KCNIP4: variants seen among roughly 807,000 people sequenced by gnomAD.
KCNIP4 encodes the protein potassium voltage-gated channel interacting protein 4, also known as Kv channel-interacting protein 4.
Under a neutral mutation model 34.0 loss-of-function variants are expected in KCNIP4, and 12 were observed. The observed-to-expected ratio is 0.35, with a 90% CI of 0.23 to 0.57. The LOEUF (loss-of-function observed/expected upper bound fraction) is 0.57. Ranked by LOEUF, KCNIP4 falls within the 20% of genes least tolerant of loss-of-function variation. The pLI is 0.83. For missense variants in KCNIP4, 238 were observed against 311.7 expected (o/e 0.76, Z 1.78); for synonymous variants, 124 against 102.2 (o/e 1.21, Z -1.29).
chr4:20,988,386 A>T (rs1478685361), intron 1 of KCNIP4, among the ~76,000 whole-genome samples: 2 of 152,226 alleles, frequency 1.3e-5, no homozygotes, highest in East Asian at 3.9e-4. Flanking sequence ...AGTAGACTTT[A>T]CATTTCCTTG....
intron 3 of KCNIP4, among the ~76,000 whole-genome samples, chr4:20,772,148 G>T (rs935632094): frequency 4.6e-5 from 7 of 152,166 alleles, no homozygotes; most frequent in Non-Finnish European, 2.9e-5. Context: ...GTGGGACTGG[G>T]ATTTGAACTT....
intron 1 of KCNIP4, among the ~76,000 whole-genome samples, chr4:21,367,189 A>G (rs1389202783): frequency 6.6e-6 from 1 of 152,126 alleles, no homozygotes; most frequent in African/African-American, 2.4e-5. Context: ...ATAGCTTCCT[A>G]TTGTTTACAA....
At chr4:20,964,765 C>T (rs942352694) in intron 1 of KCNIP4, among the ~76,000 whole-genome samples, 4 of 152,038 alleles carry the variant, frequency 2.6e-5, no homozygotes, top group African/African-American at 9.7e-5. Flanking sequence ...ATTTTCTTAG[C>T]CTTTGAAGAA....
chr4:21,796,478 G>A (rs1720632977), intron 1 of KCNIP4, among the ~76,000 whole-genome samples: 1 of 152,060 alleles, frequency 6.6e-6, no homozygotes, highest in African/African-American at 2.4e-5. Context: ...GACTCTCTCT[G>A]GTCATATAGA....
chr4:21,099,186 C>T (rs1747720611), intron 1 of KCNIP4, among the ~76,000 whole-genome samples: 1 of 152,114 alleles, frequency 6.6e-6, no homozygotes, highest in South Asian at 2.1e-4. Context: ...AATTGCAGCA[C>T]TATTCACAAT....
Position 21,087,199 on chromosome 4 carries a change from C to T in KCNIP4, c.62-204490G>A, listed in dbSNP as rs1370742696. 3.2e-5 allele frequency among the ~76,000 whole-genome samples: 3 copies of T among 93,188 alleles called. No homozygotes were observed. In the Admixed American group the frequency reaches 3.3e-4, roughly 10 times the overall value. The allele number at this position is 93,188 out of a possible 152,430, so 61.1% of individuals were successfully genotyped here. ...GTGTGTGTGTGTGTGTGTTTTGAGACAGAGTCTTGCTCTGCCACCCAGGCT... is the reference window on the plus strand; with the variant it reads ...GTGTGTGTGTGTGTGTGTTTTGAGATAGAGTCTTGCTCTGCCACCCAGGCT... On this transcript the variant is annotated intron_variant, in intron 1 of 8. Coordinates refer to ENST00000382152, the MANE Select transcript of KCNIP4 (RefSeq NM_025221.6).
intron 1 of KCNIP4, among the ~76,000 whole-genome samples, chr4:21,630,976 A>G (rs1248770466): frequency 6.6e-6 from 1 of 152,146 alleles, no homozygotes; most frequent in African/African-American, 2.4e-5. Flanking sequence ...CGCCCCTTGC[A>G]CCTTCCGAAA....
At chr4:21,192,300 A>C (rs1314591423) in intron 1 of KCNIP4, among the ~76,000 whole-genome samples, 1 of 152,200 alleles carries the variant, frequency 6.6e-6, no homozygotes, top group African/African-American at 2.4e-5. Flanking sequence ...AAAACACTCC[A>C]TTTAAGGTAT....
chr4:20,905,509 CT>C lies in KCNIP4; in HGVS notation c.62-22801del, dbSNP rs10686415. On this transcript the variant is annotated intron_variant, in intron 1 of 8. Transcript: ENST00000382152. ...ACACAGGTAGTTGAACGTTTTCTTT[CT>C]TTTTTTTTTTTTTTTGTTTGAGATG... Among the ~76,000 whole-genome samples the C allele has an allele frequency of 1.9e-4, 14 of 72,796 alleles. 1 individual carries two copies. The highest frequency in any genetic ancestry group is 4.4e-4 in the South Asian group (1 of 2,296). 47.8% of individuals were successfully genotyped at this position (72,796 alleles called of 152,430 possible). A position where few individuals can be genotyped will look rare whatever the true frequency, so the allele number is the denominator to read the frequency against.
intron 1 of KCNIP4, among the ~76,000 whole-genome samples, chr4:21,507,677 C>G (rs1157304810): frequency 1.3e-5 from 2 of 152,148 alleles, no homozygotes; most frequent in African/African-American, 4.8e-5. Context: ...AGGAAAAGTT[C>G]TTAAAATGAT....
intron 1 of KCNIP4, among the ~76,000 whole-genome samples, chr4:21,284,200 G>A (rs988306815): frequency 7.2e-4 from 108 of 149,828 alleles, no homozygotes; most frequent in African/African-American, 2.4e-3. Context: ...GCGACAGAGC[G>A]AGACTCCGTC....
chr4:21,789,644 T>C (rs1720146990), intron 1 of KCNIP4, among the ~76,000 whole-genome samples: 1 of 152,238 alleles, frequency 6.6e-6, no homozygotes, highest in South Asian at 2.1e-4. Context: ...CTTTCCTAGT[T>C]AGCTCATCGT....
intron 1 of KCNIP4, among the ~76,000 whole-genome samples, chr4:21,854,523 A>G (rs1253871303): frequency 2.0e-5 from 3 of 152,046 alleles, no homozygotes; most frequent in Non-Finnish European, 4.4e-5. Context: ...AATTCCCCCC[A>G]GTGTACAGGT....
chr4:20,757,719 A>G (rs999524689), intron 4 of KCNIP4, among the ~76,000 whole-genome samples: 7 of 152,236 alleles, frequency 4.6e-5, no homozygotes, highest in African/African-American at 1.7e-4. Context: ...AAGACTATAC[A>G]CTTTGGAAAT....
At chr4:21,206,927 A>G (rs920207047) in intron 1 of KCNIP4, among the ~76,000 whole-genome samples, 4 of 152,172 alleles carry the variant, frequency 2.6e-5, no homozygotes, top group African/African-American at 9.7e-5. Flanking sequence ...GGAGAGTTCT[A>G]CATGTTTATG....
intron 1 of KCNIP4, among the ~76,000 whole-genome samples, chr4:21,684,305 G>T (rs1750647121): frequency 6.6e-6 from 1 of 152,040 alleles, no homozygotes; most frequent in South Asian, 2.1e-4. Context: ...TTCTGAGAGG[G>T]TAGTCTTTGT....
chr4:21,423,304 A>T (rs971784106), intron 1 of KCNIP4, among the ~76,000 whole-genome samples: 3 of 152,252 alleles, frequency 2.0e-5, no homozygotes, highest in Admixed American at 6.5e-5. Context: ...AATTAAAGCA[A>T]AAGAAACTGC....
intron 1 of KCNIP4, among the ~76,000 whole-genome samples, chr4:20,908,304 T>C (rs1408577472): frequency 1.3e-5 from 2 of 152,150 alleles, no homozygotes; most frequent in Admixed American, 6.5e-5. Context: ...TTCAACATGT[T>C]GGTCAGGCTG....
intron 1 of KCNIP4, among the ~76,000 whole-genome samples, chr4:21,667,533 C>T (rs1365228483): frequency 6.6e-6 from 1 of 152,116 alleles, no homozygotes; most frequent in Non-Finnish European, 1.5e-5. Context: ...TGTGAGATTC[C>T]ACTCAAACAG....
Sources: allele counts gnomAD v4.1 joint callset (sites outside exome capture counted in the v4.1 genomes callset), GRCh38; gene constraint gnomAD v4.1.1; transcripts MANE v1.5; gene names NCBI Gene and HGNC (gene_info 2026-07-23, HGNC 2026-07-21).